The following KIF20A variants were observed in gnomAD, a reference collection of about 807,000 sequenced individuals.
KIF20A encodes the protein kinesin family member 20A, also known as kinesin-like protein KIF20A.
In KIF20A, 66 loss-of-function variants were observed where a neutral mutation model predicts 113.0. The observed-to-expected ratio is 0.58, with a 90% CI of 0.48 to 0.72. The LOEUF (loss-of-function observed/expected upper bound fraction) is 0.72, where lower values mean the gene tolerates loss of function less well. KIF20A is among the 30% of genes least tolerant of loss of function. The pLI is 0.00. For missense variants in KIF20A, 927 were observed against 1,077.6 expected (o/e 0.86, Z 1.96); for synonymous variants, 376 against 402.3 (o/e 0.93, Z 0.78).
intron 16 of KIF20A, 30 bp from the exon 17 acceptor site, chr5:138,185,931 T>TA (rs764112807): frequency 6.3e-7 from 1 of 1,597,724 alleles, no homozygotes. Flanking sequence ...AAACCCCACA[T>TA]ATTTTAAGTT....
rs1302719785 is a variant in KIF20A at position 138,179,836 on chromosome 5, C to T, written c.156C>T (p.Asp52=). 1.9e-6 allele frequency: 3 copies of T among 1,613,748 alleles called. No homozygotes were observed. Among genetic ancestry groups the T allele is most frequent in the African/African-American group, 1.3e-5 (1 of 74,866 alleles). ...CTGTCGTCTCTACCTCCCTAGAGGACAAGCAGCAGGTAAAGGAACTGGGGA... is the reference window on the plus strand; with the variant it reads ...CTGTCGTCTCTACCTCCCTAGAGGATAAGCAGCAGGTAAAGGAACTGGGGA... ...DCSVVSTSLE[D]KQQVPSEDSM... is the part of the protein sequence containing the mutation. The change falls in exon 2 of 19, where the codon GAC becomes GAT. Residue 52 remains aspartate (D), a synonymous_variant. Transcript: ENST00000394894.
At chr5:138,180,422 G>C (rs1351497442) in intron 2 of KIF20A, among the ~76,000 whole-genome samples, 1 of 152,140 alleles carries the variant, frequency 6.6e-6, no homozygotes, top group African/African-American at 2.4e-5. Context: ...ATCAAAAAAT[G>C]TCTTCAGGCA....
rs34771967 is a variant in KIF20A, at chr5:138,186,028, C to T, written c.2193C>T (p.Asp731=). The part of the protein sequence containing the change: ...PSAKPFTIDV[D]KKLEEGQKNI... ...CCAAGCCCTTCACCATTGATGTGGA[C>T]AAGAAGTTAGAAGAGGGCCAGAAGG... is the stretch of plus-strand genomic sequence containing the variant. The change falls in exon 17 of 19, where the codon GAC becomes GAT. Residue 731 remains aspartate, a synonymous_variant. Transcript: ENST00000394894. 5,512 of 1,613,942 alleles carry T rather than the reference C, an allele frequency of 3.4e-3. 27 individuals are homozygous for T. The highest frequency in any genetic ancestry group is 0.016 in the Middle Eastern group (94 of 6,062).
rs773484347 is a variant in KIF20A, at chr5:138,183,950, G to T, written c.1209-12G>T. On this transcript the variant is annotated splice_polypyrimidine_tract_variant and intron_variant, in intron 10 of 18. Transcript: ENST00000394894. The surrounding 1 kb of genome is among the most constrained non-coding windows in gnomAD (Gnocchi z 5.2). ...GTGAGGCCCTTATGTCAGATCCTGT[G>T]CATCATTCTAGGCTGTCACTCTGTG... 6.2e-7 allele frequency: 1 copy of T among 1,614,118 alleles called. No homozygotes were observed. Among genetic ancestry groups the T allele is most frequent in the Non-Finnish European group, 8.5e-7 (1 of 1,180,018 alleles).
At chr5:138,181,882 A>G (rs1754667638) in intron 4 of KIF20A, 154 bp downstream of exon 4, 1 of 748,838 alleles carries the variant, frequency 1.3e-6, no homozygotes, top group Admixed American at 2.8e-5. Context: ...TCAATGTGTC[A>G]AGTAACATAT....
intron 2 of KIF20A, among the ~76,000 whole-genome samples, chr5:138,180,648 C>T (rs1024845770): frequency 2.0e-5 from 3 of 152,110 alleles, no homozygotes; most frequent in African/African-American, 7.2e-5. Context: ...ATAGTAGACA[C>T]TCTAAATATC....
At chr5:138,179,601 C>A in intron 1 of KIF20A, 59 bp from the exon 2 acceptor site, 3 of 1,438,180 alleles carry the variant, frequency 2.1e-6, no homozygotes, top group Non-Finnish European at 1.9e-6. Flanking sequence ...ACCTAAAATT[C>A]GCGGCCCCTT....
Position 138,187,598 on chromosome 5 carries a change from TTTA to T in KIF20A, c.*188_*190del, listed in dbSNP as rs1488388511. Reference sequence around the variant, plus strand: ...ATGTAATCTCATGTTGTTGTTTTTTTTTATTTACTTATATGATTTCTATGCACA... The same window carrying T: ...ATGTAATCTCATGTTGTTGTTTTTTTTTTACTTATATGATTTCTATGCACA... On this transcript the variant is annotated 3_prime_UTR_variant, in exon 19 of 19. Coordinates refer to ENST00000394894, the MANE Select transcript of KIF20A (RefSeq NM_005733.3). The T allele has an allele frequency of 8.0e-6, 4 of 501,046 alleles. No homozygotes were observed. In the Admixed American group the frequency reaches 1.5e-4, roughly 19 times the overall value. 31.0% of individuals were successfully genotyped at this position (501,046 alleles called of 1,614,324 possible). A position where few individuals can be genotyped will look rare whatever the true frequency, so the allele number is the denominator to read the frequency against.
chr5:138,183,924 T>C lies in KIF20A; in HGVS notation c.1209-38T>C. On this transcript the variant is annotated intron_variant, in intron 10 of 18. Transcript: ENST00000394894. This position sits in a 1 kb window ranked among gnomAD's most constrained non-coding sequence, Gnocchi z 5.2. ...ACAAAGGGCCAGAAGGCTCATAACA[T>C]GTGAGGCCCTTATGTCAGATCCTGT... 1.9e-6 allele frequency: 3 copies of C among 1,613,320 alleles called. No homozygotes were observed. Among genetic ancestry groups the C allele is most frequent in the East Asian group, 2.2e-5 (1 of 44,868 alleles).
intron 18 of KIF20A, 122 bp from the exon 19 acceptor site, chr5:138,186,974 T>C: frequency 2.6e-6 from 2 of 771,348 alleles, no homozygotes; most frequent in Non-Finnish European, 2.0e-6. Flanking sequence ...TTAAAGAGTT[T>C]TAATCTTTGA....
chr5:138,185,063 C>T, intron 14 of KIF20A, 32 bp from the exon 15 acceptor site: 5 of 1,598,024 alleles, frequency 3.1e-6, no homozygotes, highest in South Asian at 1.1e-5. Context: ...AGAACCTTCA[C>T]TTACCTCTCT....
At position 138,185,550 on chromosome 5, in the gene KIF20A, G is replaced by C. The variant is rs1754730158; in HGVS notation, c.1965G>C (p.Leu655Phe). 1 of 1,613,936 alleles carries C rather than the reference G, an allele frequency of 6.2e-7. No individual in the cohort carries two copies. Among genetic ancestry groups the C allele is most frequent in the Non-Finnish European group, 8.5e-7 (1 of 1,180,028 alleles). ...AGATTGAAGAGCTAGAAGCTCTCTT[G>C]CAGGAAGCCAGACAACAGTCAGTGG... ...DEKIEELEAL[L>F]QEARQQSVAH... Residue 655 changes from leucine (L) to phenylalanine (F), a missense_variant, in exon 16 of 19, where the codon TTG becomes TTC. Physicochemically the swap from Leu to Phe is conservative, Grantham distance 22. Coordinates refer to ENST00000394894, the MANE Select transcript of KIF20A (RefSeq NM_005733.3).
intron 13 of KIF20A, 45 bp downstream of exon 13, chr5:138,184,721 C>T: frequency 1.2e-6 from 2 of 1,610,578 alleles, no homozygotes; most frequent in Non-Finnish European, 1.7e-6. Flanking sequence ...AGTAGCTACA[C>T]ATTTTTCCAT....
chr5:138,185,584 C>A lies in KIF20A; in HGVS notation c.1999C>A (p.Gln667Lys). 5.0e-6 allele frequency: 8 copies of A among 1,614,154 alleles called. No individual in the cohort carries two copies. The highest frequency in any genetic ancestry group is 1.3e-5 in the African/African-American group (1 of 75,064). ...CAGACAACAGTCAGTGGCCCATCAG[C>A]AATCAGGGTCTGAATTGGCCCTACG... ...EARQQSVAHQ[Q>K]SGSELALRRS... Residue 667 changes from glutamine to lysine, a missense_variant, in exon 16 of 19, where the codon CAA becomes AAA. By Grantham distance (53) the Gln-to-Lys change is moderately conservative. Transcript: ENST00000394894.
rs1166579410 is a variant in KIF20A, at chr5:138,180,740, ATC to A, written c.166-678_166-677del. Among the ~76,000 whole-genome samples, 6 of 152,214 alleles carry A rather than the reference ATC, an allele frequency of 3.9e-5. No individual in the cohort carries two copies. In the East Asian group the frequency reaches 1.2e-3, roughly 29 times the overall value. ...CCCCAGGCTGGTGTGCAGTGGCACA[ATC>A]TCTGCTCACTGCAACCTCCGCCTCC... On this transcript the variant is annotated intron_variant, in intron 2 of 18. Transcript: ENST00000394894.
rs1359195382 is a variant in KIF20A at position 138,187,243 on chromosome 5, G to A, written c.2503G>A (p.Glu835Lys). ...SAKKRLGTNQENQQPNQQPPG... is the reference protein window; with the variant it reads ...SAKKRLGTNQKNQQPNQQPPG... ...CAAAAAGCGCCTTGGTACCAACCAG[G>A]AAAATCAGCAACCAAACCAACAACC... The change falls in exon 19 of 19, where the codon GAA becomes AAA. Residue 835 changes from glutamate to lysine, a missense_variant. Physicochemically the swap from Glu to Lys is moderately conservative, Grantham distance 56. Coordinates refer to ENST00000394894, the MANE Select transcript of KIF20A (RefSeq NM_005733.3). 1 of 1,614,162 alleles carries A rather than the reference G, an allele frequency of 6.2e-7. No homozygotes were observed. The highest frequency in any genetic ancestry group is 1.1e-5 in the South Asian group (1 of 91,088).
intron 15 of KIF20A, 69 bp from the exon 16 acceptor site, chr5:138,185,443 G>A (rs1357626418): frequency 1.4e-6 from 2 of 1,451,546 alleles, no homozygotes; most frequent in African/African-American, 1.4e-5. Flanking sequence ...TGCTTTGTTT[G>A]TTCAGTCATC....
Position 138,184,076 on chromosome 5 carries a change from T to G in KIF20A, c.1323T>G (p.Ile441Met). ...NTSLHTLGRC[I>M]AALRQNQQNR... Reference sequence around the variant, plus strand: ...CTCTACACACCCTGGGCCGCTGTATTGCTGCCCTTCGTCAAAACCAGCAGA... The same window carrying G: ...CTCTACACACCCTGGGCCGCTGTATGGCTGCCCTTCGTCAAAACCAGCAGA... The change falls in exon 11 of 19, where the codon ATT (isoleucine) becomes ATG (methionine). Residue 441 changes from isoleucine (I) to methionine (M), a missense_variant. Ile to Met is a conservative substitution (Grantham distance 10, BLOSUM62 1). Transcript: ENST00000394894. 4.3e-6 allele frequency: 7 copies of G among 1,614,202 alleles called. No individual in the cohort carries two copies. Among genetic ancestry groups the G allele is most frequent in the Non-Finnish European group, 5.9e-6 (7 of 1,180,032 alleles).
chr5:138,180,075 A>G (rs1754624449), intron 2 of KIF20A, among the ~76,000 whole-genome samples: 2 of 152,230 alleles, frequency 1.3e-5, no homozygotes. Flanking sequence ...TATAATTTGC[A>G]TTGCATTAAT....
Sources: gnomAD v4.1 joint callset for allele counts (sites outside exome capture counted in the v4.1 genomes callset) on GRCh38, gnomAD v4.1.1 for gene constraint, Gnocchi (gnomAD v3.1) non-coding constraint, MANE v1.5 for transcripts, NCBI Gene and HGNC (gene_info 2026-07-23, HGNC 2026-07-21) for gene names.